CNOT10: variants seen among roughly 807,000 people sequenced by gnomAD.
CNOT10 encodes CCR4-NOT transcription complex, subunit 10.
A neutral mutation model predicts 94.6 loss-of-function variants in CNOT10; 30 were observed. That is an observed-to-expected ratio of 0.32 (90% CI 0.24 to 0.43). The LOEUF (loss-of-function observed/expected upper bound fraction) is 0.43. CNOT10 is among the 20% of genes least tolerant of loss of function. The pLI, the probability that CNOT10 is intolerant of heterozygous loss-of-function variation, is 1.00. For synonymous variants in CNOT10, 289 were observed against 301.6 expected, an observed-to-expected ratio of 0.96 and a Z score of 0.43; for missense variants, 759 against 877.2, an observed-to-expected ratio of 0.87 and a Z score of 1.70.
chr3:32,733,432 C>G lies in CNOT10; in HGVS notation c.1225C>G (p.Gln409Glu), dbSNP rs752553840. The change falls in exon 11 of 19, where the codon CAA becomes GAA. Residue 409 changes from glutamine (Q) to glutamate (E), a missense_variant. Physicochemically the swap from Gln to Glu is conservative, Grantham distance 29. This residue lies in a region of CNOT10 where 682 missense variants were observed against 799.4 expected (regional missense o/e 0.85). Coordinates refer to ENST00000328834, the MANE Select transcript of CNOT10 (RefSeq NM_015442.3). Reference protein sequence around the residue: ...CIAANKGTSEQETKGLPSKKG... With the variant: ...CIAANKGTSEEETKGLPSKKG... Reference sequence around the variant, plus strand: ...TATTTGTATTTTGTAGACTTCTGAACAAGAAACTAAAGGCCTTCCCAGCAA... The same window carrying G: ...TATTTGTATTTTGTAGACTTCTGAAGAAGAAACTAAAGGCCTTCCCAGCAA... The G allele has an allele frequency of 6.3e-7, 1 of 1,584,906 alleles. No individual in the cohort carries two copies. Among genetic ancestry groups the G allele is most frequent in the Admixed American group, 1.8e-5 (1 of 56,742 alleles).
chr3:32,762,706 A>G (rs755122398), intron 14 of CNOT10, 27 bp from the exon 15 acceptor site: 2 of 1,578,476 alleles, frequency 1.3e-6, no homozygotes, highest in South Asian at 2.4e-5. Flanking sequence ...TGTACTTTTC[A>G]GTTTGGAATC....
chr3:32,720,209 G>T lies in CNOT10; in HGVS notation c.840G>T (p.Glu280Asp). Reference protein sequence around the residue: ...VKLLNSSNIAEHPGFMKTGEC... With the variant: ...VKLLNSSNIADHPGFMKTGEC... Reference sequence around the variant, plus strand: ...TATTAAATAGTTCAAACATTGCTGAGCATCCAGGATTCATGAAAACAGGTA... The same window carrying T: ...TATTAAATAGTTCAAACATTGCTGATCATCCAGGATTCATGAAAACAGGTA... Residue 280 changes from glutamate (E) to aspartate (D), a missense_variant, in exon 8 of 19, where the codon GAG becomes GAT. This residue lies in a region of CNOT10 where 682 missense variants were observed against 799.4 expected (regional missense o/e 0.85). Transcript: ENST00000328834. 1 of 1,518,250 alleles carries T rather than the reference G, an allele frequency of 6.6e-7. No individual in the cohort carries two copies. The highest frequency in any genetic ancestry group is 1.3e-5 in the South Asian group (1 of 76,816). The allele number at this position is 1,518,250 out of a possible 1,614,324, so 94.0% of individuals were successfully genotyped here. A position where few individuals can be genotyped will look rare whatever the true frequency, so the allele number is the denominator to read the frequency against.
At chr3:32,772,666 T>TA (rs1269352121) in intron 18 of CNOT10, among the ~76,000 whole-genome samples, 1 of 152,064 alleles carries the variant, frequency 6.6e-6, no homozygotes, top group Non-Finnish European at 1.5e-5. Flanking sequence ...CACTGCACTC[T>TA]AGCCTGGGCC....
intron 3 of CNOT10, among the ~76,000 whole-genome samples, chr3:32,705,651 A>G (rs751144378): frequency 6.6e-6 from 1 of 152,200 alleles, no homozygotes; most frequent in Non-Finnish European, 1.5e-5. Context: ...AAATTGTCCA[A>G]AAACACAAAG....
chr3:32,713,786 A>G (rs1008105151), intron 5 of CNOT10, among the ~76,000 whole-genome samples: 4 of 152,192 alleles, frequency 2.6e-5, no homozygotes, highest in Non-Finnish European at 5.9e-5. Flanking sequence ...TACTTAGTGT[A>G]ATGCTTTCAA....
chr3:32,697,265 C>T (rs1697117386), intron 1 of CNOT10, among the ~76,000 whole-genome samples: 1 of 152,042 alleles, frequency 6.6e-6, no homozygotes, highest in Non-Finnish European at 1.5e-5. Flanking sequence ...CTTCCATTTT[C>T]TGGGGTTGCT....
chr3:32,687,465 T>TTTTTTTTTTTTTTTTG (rs1361507074), intron 1 of CNOT10, among the ~76,000 whole-genome samples: 1 of 123,644 alleles, frequency 8.1e-6, no homozygotes, highest in Non-Finnish European at 1.7e-5. Flanking sequence ...TTTTTTTTTT[T>TTTTTTTTTTTTTTTTG]TTTTGAGACG....
intron 1 of CNOT10, among the ~76,000 whole-genome samples, chr3:32,692,150 CTAGGAG>C (rs1305372554): frequency 2.0e-5 from 3 of 151,992 alleles, no homozygotes; most frequent in African/African-American, 7.2e-5. Flanking sequence ...TTGCTTGAAC[CTAGGAG>C]TTCAAGTCCA....
Position 32,696,256 on chromosome 3 carries a change from C to T in CNOT10, c.23-7612C>T, listed in dbSNP as rs570012467. Among the ~76,000 whole-genome samples the T allele has an allele frequency of 1.3e-3, 202 of 151,430 alleles. 1 individual carries two copies. Among genetic ancestry groups the T allele is most frequent in the Non-Finnish European group, 1.9e-3 (128 of 67,896 alleles). On this transcript the variant is annotated intron_variant, in intron 1 of 18. Coordinates refer to ENST00000328834, the MANE Select transcript of CNOT10 (RefSeq NM_015442.3). ...ACTTGAACCTGGGAAGCAGAGGTTG[C>T]GGTGAGCTGGGATTGTGCCTCTGCA...
intron 1 of CNOT10, 145 bp downstream of exon 1, chr3:32,685,627 G>A (rs764116250): frequency 1.1e-4 from 96 of 888,446 alleles, no homozygotes; most frequent in Non-Finnish European, 6.6e-5. Flanking sequence ...CCTCTGTCTC[G>A]GCTGTCGCTA....
intron 4 of CNOT10, among the ~76,000 whole-genome samples, chr3:32,712,651 G>C (rs191881802): frequency 1.9e-4 from 29 of 152,184 alleles, no homozygotes; most frequent in African/African-American, 5.1e-4. Context: ...CTTGAGACCA[G>C]CCTGGGCAAC....
chr3:32,721,429 C>CTTTTTTTTTTTTTTTTTTTTT (rs58351356), intron 8 of CNOT10, among the ~76,000 whole-genome samples: 2 of 72,596 alleles, frequency 2.8e-5, no homozygotes, highest in African/African-American at 5.7e-5. Context: ...TTTCTTTCAT[C>CTTTTTTTTTTTTTTTTTTTTT]TTTTTTTTTT....
chr3:32,694,164 A>C (rs1052769257), intron 1 of CNOT10, among the ~76,000 whole-genome samples: 2 of 151,542 alleles, frequency 1.3e-5, no homozygotes, highest in African/African-American at 4.8e-5. Flanking sequence ...ATTTAAAAAA[A>C]GTGTTTGGTA....
chr3:32,722,624 G>C (rs1042196761), intron 8 of CNOT10, among the ~76,000 whole-genome samples: 4 of 152,136 alleles, frequency 2.6e-5, no homozygotes, highest in Non-Finnish European at 5.9e-5. Flanking sequence ...AGTGAATCAT[G>C]ATCATGCCAC....
chr3:32,685,228 C>G lies in CNOT10; in HGVS notation c.-233C>G. On this transcript the variant is annotated 5_prime_UTR_variant, in exon 1 of 19. Transcript: ENST00000328834. ...GCCGTGAGGCGGAAGCTGTGTATGG[C>G]GGGAGGCTGTGGCGGTCCCTTGGTG... 6.0e-6 allele frequency: 3 copies of G among 502,054 alleles called. No homozygotes were observed. The highest frequency in any genetic ancestry group is 1.1e-5 in the Non-Finnish European group (3 of 278,542). 31.1% of individuals were successfully genotyped at this position (502,054 alleles called of 1,614,324 possible).
intron 1 of CNOT10, among the ~76,000 whole-genome samples, chr3:32,697,339 A>G (rs1322607466): frequency 6.6e-6 from 1 of 152,008 alleles, no homozygotes; most frequent in Admixed American, 6.6e-5. Flanking sequence ...AATTTTCAAC[A>G]CCTGGGTGAG....
At chr3:32,753,380 A>G in intron 13 of CNOT10, 1 of 1,380,456 alleles carries the variant, frequency 7.2e-7, no homozygotes, top group Non-Finnish European at 1.0e-6. Flanking sequence ...TACGATCAAG[A>G]ATGTTCAAAG....
intron 12 of CNOT10, among the ~76,000 whole-genome samples, chr3:32,736,359 T>A (rs1336806533): frequency 6.6e-6 from 1 of 152,192 alleles, no homozygotes; most frequent in Non-Finnish European, 1.5e-5. Flanking sequence ...AGTGCTGAGA[T>A]TGCAGGCATG....
intron 13 of CNOT10, chr3:32,753,943 A>G: frequency 1.0e-6 from 1 of 994,652 alleles, no homozygotes; most frequent in Non-Finnish European, 1.5e-6. Context: ...CACAAAATAT[A>G]AAAATTAGCT....
Sources: allele counts gnomAD v4.1 joint callset (sites outside exome capture counted in the v4.1 genomes callset), GRCh38; gene constraint gnomAD v4.1.1; regional missense constraint gnomAD v4.1.1; transcripts MANE v1.5; gene names NCBI Gene and HGNC (gene_info 2026-07-23, HGNC 2026-07-21).